Variants in POLI observed in about 807,000 individuals in gnomAD.
POLI encodes DNA polymerase iota, also known as RAD30 homolog B.
Under a neutral mutation model 51.6 loss-of-function variants are expected in POLI, and 58 were observed. That is an observed-to-expected ratio of 1.12 (90% CI 0.91 to 1.40). The LOEUF is 1.40. Among genes scored for constraint, POLI ranks in the 40% most tolerant of loss-of-function variants. The pLI is 0.00. For synonymous variants in POLI, 322 were observed against 299.7 expected (o/e 1.07, Z -0.77); for missense variants, 921 against 871.3 (o/e 1.06, Z -0.72).
intron 7 of POLI, among the ~76,000 whole-genome samples, chr18:54,286,930 T>C (rs552160): frequency 0.25 from 38,426 of 151,654 alleles, 5,075 homozygotes; most frequent in Middle Eastern, 0.3. Flanking sequence ...GGCAACAGAG[T>C]GAGACTCCAT....
intron 4 of POLI, chr18:54,320,947 T>TA (rs1568163381): frequency 1.3e-5 from 2 of 152,210 alleles, no homozygotes; most frequent in African/African-American, 4.8e-5. Context: ...TACAGTACTG[T>TA]ATCACAACTA....
intron 8 of POLI, among the ~76,000 whole-genome samples, chr18:54,290,478 G>A (rs1041902634): frequency 2.0e-5 from 3 of 151,996 alleles, no homozygotes; most frequent in African/African-American, 7.3e-5. Flanking sequence ...CCCATTACTG[G>A]GTATATACCC....
rs2087123948 is a variant in POLI at position 54,273,975 on chromosome 18, A to G, written c.291A>G (p.Lys97=). The G allele has an allele frequency of 3.8e-6, 6 of 1,582,128 alleles. No homozygotes were observed. The South Asian group carries it at 5.8e-5, about 15-fold the overall frequency. Residue 97 remains lysine (K), a synonymous_variant, in exon 3 of 10, where the codon AAA becomes AAG. Transcript: ENST00000579534. The stretch of plus-strand genomic sequence containing the variant: ...TTACCTGCAACTATGAAGCTAGGAA[A>G]CTTGGAGTTAAGAAACTTATGAATG... ...LVVTCNYEAR[K]LGVKKLMNVR... is the part of the protein sequence containing the mutation.
rs2087450241 is a variant in POLI, at chr18:54,280,575, T to C, written c.560-92T>C. 3 of 760,146 alleles carry C rather than the reference T, an allele frequency of 3.9e-6. No individual in the cohort carries two copies. The East Asian group carries it at 7.4e-5, about 19-fold the overall frequency. The allele number at this position is 760,146 out of a possible 1,614,324, so 47.1% of individuals were successfully genotyped here. The stretch of plus-strand genomic sequence containing the variant: ...GGTTGTGGTGGTGGTGGTTGTTGGA[T>C]ATAGACTAAGCCCTCTACCTTTTAA... On this transcript the variant is annotated intron_variant, in intron 4 of 9. Coordinates refer to ENST00000579534, the MANE Select transcript of POLI (RefSeq NM_007195.3).
intron 8 of POLI, chr18:54,287,750 T>C: frequency 6.1e-6 from 1 of 163,224 alleles, no homozygotes; most frequent in Non-Finnish European, 1.3e-5. Context: ...TGGCTAACTT[T>C]TTTGATATTT....
intron 6 of POLI, 78 bp from the exon 7 acceptor site, chr18:54,283,840 ATATT>A: frequency 1.8e-6 from 1 of 553,632 alleles, no homozygotes; most frequent in Non-Finnish European, 3.2e-6. Flanking sequence ...AATGTATTGA[ATATT>A]TATTTGACTG....
Position 54,283,007 on chromosome 18 carries a change from C to G in POLI, c.967C>G (p.Pro323Ala). Residue 323 changes from proline to alanine, a missense_variant, in exon 6 of 10, where the codon CCA (proline) becomes GCA (alanine). Coordinates refer to ENST00000579534, the MANE Select transcript of POLI (RefSeq NM_007195.3). The part of the protein sequence containing the change: ...EDNSPVILSG[P>A]PQSFSEEDSF... ...TAACTCCCCTGTGATACTCTCAGGACCACCTCAGGTACATGATGATACTTA... is the reference window on the plus strand; with the variant it reads ...TAACTCCCCTGTGATACTCTCAGGAGCACCTCAGGTACATGATGATACTTA... The G allele has an allele frequency of 6.3e-7, 1 of 1,593,876 alleles. No homozygotes were observed. The highest frequency in any genetic ancestry group is 8.6e-7 in the Non-Finnish European group (1 of 1,163,502).
In POLI at chr18:54,274,094, C is replaced by T. The variant is rs1308570338; in HGVS notation, c.406+4C>T. ...GAAATGTCTTATAAGGTTACAGGTA[C>T]AAATGATAAGCAATGTACTTTTAGC... On this transcript the variant is annotated splice_donor_region_variant and intron_variant, in intron 3 of 9. Coordinates refer to ENST00000579534, the MANE Select transcript of POLI (RefSeq NM_007195.3). The T allele has an allele frequency of 1.4e-6, 2 of 1,380,072 alleles. No individual in the cohort carries two copies. The highest frequency in any genetic ancestry group is 5.4e-5 in the Admixed American group (2 of 37,166). The allele number at this position is 1,380,072 out of a possible 1,614,324, so 85.5% of individuals were successfully genotyped here. A position where few individuals can be genotyped will look rare whatever the true frequency, so the allele number is the denominator to read the frequency against.
intron 3 of POLI, among the ~76,000 whole-genome samples, chr18:54,307,292 T>G (rs569654379): frequency 3.9e-5 from 6 of 152,208 alleles, no homozygotes; most frequent in Non-Finnish European, 4.4e-5. Flanking sequence ...TGGTACATTG[T>G]GTCTTTGTTT....
chr18:54,293,891 G>A lies in POLI; in HGVS notation c.1647G>A (p.Arg549=). Residue 549 remains arginine, a synonymous_variant, in exon 10 of 10, where the codon AGG becomes AGA. Transcript: ENST00000579534. ...IQEEILSGKS[R]EKFQGKGSVS... ...AAGAAATCCTTTCTGGAAAATCTAG[G>A]GAAAAATTTCAAGGGAAAGGAAGTG... The A allele has an allele frequency of 6.2e-7, 1 of 1,613,128 alleles. No individual in the cohort carries two copies. The highest frequency in any genetic ancestry group is 8.5e-7 in the Non-Finnish European group (1 of 1,179,446).
chr18:54,296,437 C>CT lies in POLI; in HGVS notation c.*1976dup, dbSNP rs2088333106. 1.1e-6 allele frequency: 1 copy of CT among 879,606 alleles called. No homozygotes were observed. The highest frequency in any genetic ancestry group is 1.4e-6 in the Non-Finnish European group (1 of 733,370). The allele number at this position is 879,606 out of a possible 1,614,324, so 54.5% of individuals were successfully genotyped here. A position where few individuals can be genotyped will look rare whatever the true frequency, so the allele number is the denominator to read the frequency against. ...TTTTTCTCTGTTTTTAAGATTATCT[C>CT]TTTTTTCTTTGGTGCTTTGCAGGTT... On this transcript the variant is annotated 3_prime_UTR_variant, in exon 10 of 10. Transcript: ENST00000579534.
At chr18:54,272,034 C>A (rs912469169) in intron 2 of POLI, 2 of 152,150 alleles carry the variant, frequency 1.3e-5, no homozygotes, top group African/African-American at 4.8e-5. Context: ...CTTGTTTTAT[C>A]ATTTTTATTA....
chr18:54,288,846 A>C (rs1431986767), intron 8 of POLI, among the ~76,000 whole-genome samples: 1 of 151,670 alleles, frequency 6.6e-6, no homozygotes, highest in African/African-American at 2.4e-5. Context: ...CTTTTTTTGT[A>C]GTCATTATAT....
chr18:54,294,004 A>C lies in POLI; in HGVS notation c.1760A>C (p.His587Pro), dbSNP rs1322545880. Residue 587 changes from histidine to proline, a missense_variant, in exon 10 of 10, where the codon CAT (histidine) becomes CCT (proline). Transcript: ENST00000579534. ...GATATTCCCATAAATCCTAGAGATC[A>C]TTTATCCAGTAGCAAACAGGTATCC... ...MQDIPINPRD[H>P]LSSSKQVSSV... 3 of 1,613,444 alleles carry C rather than the reference A, an allele frequency of 1.9e-6. No individual in the cohort carries two copies. In the African/African-American group the frequency reaches 4.0e-5, roughly 22 times the overall value.
At chr18:54,279,052 A>G (rs978948486) in intron 4 of POLI, among the ~76,000 whole-genome samples, 1 of 152,312 alleles carries the variant, frequency 6.6e-6, no homozygotes, top group Non-Finnish European at 1.5e-5. Flanking sequence ...ATATTTCTGT[A>G]TAATTTTTAA....
chr18:54,305,097 C>CTCTGT (rs2088559603), intron 3 of POLI, among the ~76,000 whole-genome samples: 3 of 152,222 alleles, frequency 2.0e-5, no homozygotes, highest in Admixed American at 1.3e-4. Context: ...TTTCTGAGGC[C>CTCTGT]TCTGTTCTGT....
rs2088415504 is a variant in POLI, at chr18:54,297,985, G to A, written c.*3518G>A. 1.0e-6 allele frequency: 1 copy of A among 980,612 alleles called. No homozygotes were observed. Among genetic ancestry groups the A allele is most frequent in the African/African-American group, 1.8e-5 (1 of 57,104 alleles). The allele number at this position is 980,612 out of a possible 1,614,324, so 60.7% of individuals were successfully genotyped here. A position where few individuals can be genotyped will look rare whatever the true frequency, so the allele number is the denominator to read the frequency against. ...ACTGACATCTCTTGAGCTGTTCTAAGATAATATCTTTTACTTTGGAGATAC... is the reference window on the plus strand; with the variant it reads ...ACTGACATCTCTTGAGCTGTTCTAAAATAATATCTTTTACTTTGGAGATAC... On this transcript the variant is annotated 3_prime_UTR_variant, in exon 10 of 10. Transcript: ENST00000579534.
chr18:54,313,830 T>C (rs1447937807), intron 3 of POLI, among the ~76,000 whole-genome samples: 1 of 152,112 alleles, frequency 6.6e-6, no homozygotes, highest in East Asian at 1.9e-4. Flanking sequence ...GCTGAAGTTA[T>C]CAGATATAGG....
intron 3 of POLI, among the ~76,000 whole-genome samples, chr18:54,309,491 G>A (rs1012436458): frequency 1.3e-5 from 2 of 152,170 alleles, no homozygotes; most frequent in African/African-American, 4.8e-5. Context: ...GGCTGTATGA[G>A]GTGTCAGTTG....
Sources: allele counts gnomAD v4.1 joint callset (sites outside exome capture counted in the v4.1 genomes callset), GRCh38; gene constraint gnomAD v4.1.1; transcripts MANE v1.5; gene names NCBI Gene and HGNC (gene_info 2026-07-23, HGNC 2026-07-21).